Variants in KNDC1 observed in about 807,000 individuals in gnomAD.
KNDC1 encodes kinase non-catalytic C-lobe domain containing 1.
A neutral mutation model predicts 172.8 loss-of-function variants in KNDC1; 106 were observed. The observed-to-expected ratio is 0.61, with a 90% CI of 0.52 to 0.72. The LOEUF (loss-of-function observed/expected upper bound fraction) is 0.72, where lower values mean the gene tolerates loss of function less well. KNDC1 is among the 30% of genes least tolerant of loss of function. The pLI is 0.00. For missense variants in KNDC1, 2,325 were observed against 2,394.5 expected (o/e 0.97, Z 0.61); for synonymous variants, 1,083 against 1,062.2 (o/e 1.02, Z -0.38).
In KNDC1 at chr10:133,185,968, G is replaced by A; in HGVS notation, c.626-6G>A. Reference sequence around the variant, plus strand: ...CCAGCCGTGACCACATCTTGCTTGTGCCCAGATGTCAGCGAGAGCAGCTGG... The same window carrying A: ...CCAGCCGTGACCACATCTTGCTTGTACCCAGATGTCAGCGAGAGCAGCTGG... On this transcript the variant is annotated splice_region_variant and splice_polypyrimidine_tract_variant and intron_variant, in intron 5 of 29. Coordinates refer to ENST00000304613, the MANE Select transcript of KNDC1 (RefSeq NM_152643.8). 1 of 1,406,006 alleles carries A rather than the reference G, an allele frequency of 7.1e-7. No homozygotes were observed. The highest frequency in any genetic ancestry group is 9.4e-7 in the Non-Finnish European group (1 of 1,060,014). 87.1% of individuals were successfully genotyped at this position (1,406,006 alleles called of 1,614,324 possible). A position where few individuals can be genotyped will look rare whatever the true frequency, so the allele number is the denominator to read the frequency against.
chr10:133,211,956 C>T, intron 23 of KNDC1, 98 bp downstream of exon 23: 1 of 1,223,188 alleles, frequency 8.2e-7, no homozygotes, highest in East Asian at 2.4e-5. Flanking sequence ...CACACATACA[C>T]ACAAGTGCAA....
intron 29 of KNDC1, 76 bp downstream of exon 29, chr10:133,220,188 C>T (rs1433003306): frequency 5.1e-6 from 6 of 1,179,170 alleles, no homozygotes; most frequent in Non-Finnish European, 5.7e-6. Context: ...AGAGGAGGGG[C>T]TCAGGCGGCC....
chr10:133,198,672 G>T lies in KNDC1; in HGVS notation c.2164G>T (p.Gly722Trp). 6.3e-7 allele frequency: 1 copy of T among 1,593,500 alleles called. No individual in the cohort carries two copies. The highest frequency in any genetic ancestry group is 8.5e-7 in the Non-Finnish European group (1 of 1,171,238). The change falls in exon 14 of 30, where the codon GGG (glycine) becomes TGG (tryptophan). Residue 722 changes from glycine (G) to tryptophan (W), a missense_variant. Gly to Trp is a radical substitution (Grantham distance 184). Coordinates refer to ENST00000304613, the MANE Select transcript of KNDC1 (RefSeq NM_152643.8). ...EEKLSLEAHA[G>W]SPSLKTPDGP... ...GAAGCTCTCCCTGGAGGCCCACGCT[G>T]GGTCCCCCAGCCTGAAGACGCCTGA... is the stretch of plus-strand genomic sequence containing the variant.
Position 133,183,363 on chromosome 10 carries a change from G to A in KNDC1, c.380G>A (p.Gly127Glu). The change falls in exon 4 of 30, where the codon GGG becomes GAG. Residue 127 changes from glycine to glutamate, a missense_variant. Physicochemically the swap from Gly to Glu is moderately conservative, Grantham distance 98 (BLOSUM62 -2). Transcript: ENST00000304613. ...NTFEAHIYSL[G>E]ATLKAALEYV... ...CCACAGGCGCACATCTACTCTCTGG[G>A]GGCCACGCTGAAGGCCGCCCTCGAG... The A allele has an allele frequency of 6.3e-7, 1 of 1,596,928 alleles. No homozygotes were observed. Among genetic ancestry groups the A allele is most frequent in the Non-Finnish European group, 8.5e-7 (1 of 1,173,464 alleles).
Position 133,186,038 on chromosome 10 carries a change from C to T in KNDC1, c.690C>T (p.Pro230=), listed in dbSNP as rs761949376. 1.3e-5 allele frequency: 20 copies of T among 1,596,370 alleles called. No homozygotes were observed. In the South Asian group the frequency reaches 1.6e-4, roughly 13 times the overall value. The change falls in exon 6 of 30, where the codon CCC becomes CCT. Residue 230 remains proline, a synonymous_variant. Coordinates refer to ENST00000304613, the MANE Select transcript of KNDC1 (RefSeq NM_152643.8). Reference sequence around the variant, plus strand: ...GAAACGCTGGGCCCAGGAGGCCGCCCGGGGACCCCAGCACTGACCCGGAGG... The same window carrying T: ...GAAACGCTGGGCCCAGGAGGCCGCCTGGGGACCCCAGCACTGACCCGGAGG... The part of the protein sequence containing the change: ...APGNAGPRRP[P]GDPSTDPEVL...
At chr10:133,195,381 T>A (rs1041362535) in intron 9 of KNDC1, among the ~76,000 whole-genome samples, 2 of 151,732 alleles carry the variant, frequency 1.3e-5, no homozygotes, top group Admixed American at 6.6e-5. Flanking sequence ...GTGAGGAGAG[T>A]GGAAGGTGGG....
At chr10:133,188,488 G>A (rs538626466) in intron 6 of KNDC1, 51 bp from the exon 7 acceptor site, 106 of 1,242,844 alleles carry the variant, frequency 8.5e-5, no homozygotes, top group East Asian at 2.6e-4. Context: ...TCCAGGCGGC[G>A]GGCCCTGGCA....
rs1845300689 is a variant in KNDC1, at chr10:133,209,288, ATAG to A, written c.3795-1321_3795-1319del. 9.3e-6 allele frequency among the ~76,000 whole-genome samples: 1 copy of A among 107,090 alleles called. No homozygotes were observed. 70.3% of individuals were successfully genotyped at this position (107,090 alleles called of 152,430 possible). ...GTAGTGTGTGTGTGGTGTGTGGAGTATAGTGTGTGTGGTGTGGGGTACAGTGTG... is the reference window on the plus strand; with the variant it reads ...GTAGTGTGTGTGTGGTGTGTGGAGTATGTGTGTGGTGTGGGGTACAGTGTG... On this transcript the variant is annotated intron_variant, in intron 20 of 29. Coordinates refer to ENST00000304613, the MANE Select transcript of KNDC1 (RefSeq NM_152643.8). The surrounding 1 kb of genome is among the most constrained non-coding windows in gnomAD (Gnocchi z 4.9).
chr10:133,202,167 C>T lies in KNDC1; in HGVS notation c.3387+269C>T, dbSNP rs74164118. 3,296 of 688,114 alleles carry T rather than the reference C, an allele frequency of 4.8e-3. 79 individuals carry two copies. In the African/African-American group the frequency reaches 0.05, roughly 10 times the overall value. The allele number at this position is 688,114 out of a possible 1,614,324, so 42.6% of individuals were successfully genotyped here. ...GAAGGGCTTTTCTCTCATGGTCGCC[C>T]GGGCGATGGGTTCACAGGAGGCCCC... On this transcript the variant is annotated intron_variant, in intron 17 of 29. Transcript: ENST00000304613.
Position 133,201,810 on chromosome 10 carries a change from C to A in KNDC1, c.3299C>A (p.Ala1100Asp). 1 of 1,509,380 alleles carries A rather than the reference C, an allele frequency of 6.6e-7. No homozygotes were observed. The highest frequency in any genetic ancestry group is 1.4e-5 in the African/African-American group (1 of 71,966). 93.5% of individuals were successfully genotyped at this position (1,509,380 alleles called of 1,614,324 possible). A position where few individuals can be genotyped will look rare whatever the true frequency, so the allele number is the denominator to read the frequency against. Residue 1100 changes from alanine (A) to aspartate (D), a missense_variant, in exon 17 of 30, where the codon GCC (alanine) becomes GAC (aspartate). Coordinates refer to ENST00000304613, the MANE Select transcript of KNDC1 (RefSeq NM_152643.8). ...GGCTGGTGCAGCGCCTTCTACGAGGCCGACTGCTTCGGGGCCGACGTCCAC... is the reference window on the plus strand; with the variant it reads ...GGCTGGTGCAGCGCCTTCTACGAGGACGACTGCTTCGGGGCCGACGTCCAC... ...SPGWCSAFYE[A>D]DCFGADVHNY...
intron 20 of KNDC1, among the ~76,000 whole-genome samples, chr10:133,210,123 C>A (rs985020959): frequency 6.6e-6 from 1 of 151,996 alleles, no homozygotes; most frequent in African/African-American, 2.4e-5. Context: ...CGGTGGCTCA[C>A]GCCTGTCATT....
At chr10:133,178,253 G>A (rs1842465494) in intron 3 of KNDC1, among the ~76,000 whole-genome samples, 2 of 152,088 alleles carry the variant, frequency 1.3e-5, no homozygotes, top group East Asian at 3.9e-4. Flanking sequence ...CATGTCACAG[G>A]CACACATGTG....
At chr10:133,200,275 G>C in intron 15 of KNDC1, 100 bp from the exon 16 acceptor site, 1 of 850,868 alleles carries the variant, frequency 1.2e-6, no homozygotes, top group Non-Finnish European at 1.7e-6. Flanking sequence ...TCCAGCGAGA[G>C]CTCCGCATAG....
rs368066503 is a variant in KNDC1 at position 133,186,325 on chromosome 10, G to T, written c.977G>T (p.Arg326Leu). 1 of 1,612,600 alleles carries T rather than the reference G, an allele frequency of 6.2e-7. No homozygotes were observed. The highest frequency in any genetic ancestry group is 2.2e-5 in the East Asian group (1 of 44,882). Residue 326 changes from arginine to leucine, a missense_variant, in exon 6 of 30, where the codon CGC becomes CTC. Arg to Leu is a moderately radical substitution (Grantham distance 102). Transcript: ENST00000304613. ...GCCACCCTCTGCCTGCCGCTGACCC[G>T]CGGGAAAAGCCAGCTGCCCATATCG... ...PEATLCLPLT[R>L]GKSQLPISEL... is the part of the protein sequence containing the mutation.
Position 133,198,926 on chromosome 10 carries a change from T to A in KNDC1, c.2418T>A (p.Val806=), listed in dbSNP as rs3008389. 1 of 1,566,728 alleles carries A rather than the reference T, an allele frequency of 6.4e-7. No individual in the cohort carries two copies. The change falls in exon 14 of 30, where the codon GTT becomes GTA. Residue 806 remains valine, a synonymous_variant. Coordinates refer to ENST00000304613, the MANE Select transcript of KNDC1 (RefSeq NM_152643.8). ...QGPAEPIPPG[V]ASGGLRPDAL... is the part of the protein sequence containing the mutation. ...CGGCTGAGCCGATCCCACCTGGAGT[T>A]GCTTCCGGGGGCCTCAGGCCCGACG...
At position 133,160,384 on chromosome 10, in the gene KNDC1, T is replaced by TCTCCATGGAGCCAGGGCGCGC. The variant is rs1213474634; in HGVS notation, c.-83_-63dup. On this transcript the variant is annotated 5_prime_UTR_variant, in exon 1 of 30. In the 5' UTR this introduces an upstream ATG that the reference lacks. Transcript: ENST00000304613. ...CGGGGGCGGGCGAGGGCCGGGCGCG[T>TCTCCATGGAGCCAGGGCGCGC]CTCCATGGAGCCAGGGCGCGCGTAG... 1.2e-3 allele frequency: 815 copies of TCTCCATGGAGCCAGGGCGCGC among 680,686 alleles called. 2 individuals carry two copies. The highest frequency in any genetic ancestry group is 2.3e-3 in the Admixed American group (47 of 20,650). The allele number at this position is 680,686 out of a possible 1,614,324, so 42.2% of individuals were successfully genotyped here.
chr10:133,198,229 G>T (rs879032355), intron 12 of KNDC1, 108 bp from the exon 13 acceptor site: 11 of 1,294,410 alleles, frequency 8.5e-6, no homozygotes, highest in African/African-American at 1.5e-5. Flanking sequence ...GGGAGGGGAC[G>T]CGGCACCACG....
At chr10:133,193,574 C>T (rs563107912) in intron 9 of KNDC1, among the ~76,000 whole-genome samples, 1 of 150,650 alleles carries the variant, frequency 6.6e-6, no homozygotes, top group African/African-American at 2.4e-5. Flanking sequence ...GGAAGAAGAA[C>T]AAGAAGAAGG....
rs1026855000 is a variant in KNDC1 at position 133,161,010 on chromosome 10, G to GC, written c.102+447dup. 5.3e-5 allele frequency among the ~76,000 whole-genome samples: 8 copies of GC among 152,116 alleles called. No homozygotes were observed. In the South Asian group the frequency reaches 8.3e-4, roughly 16 times the overall value. Reference sequence around the variant, plus strand: ...GGGGTGGGGGGAGCGCTGGATGACTGCCCCCCGAGACTGAGAGCTGCTTCC... The same window carrying GC: ...GGGGTGGGGGGAGCGCTGGATGACTGCCCCCCCGAGACTGAGAGCTGCTTCC... On this transcript the variant is annotated intron_variant, in intron 1 of 29. Transcript: ENST00000304613.
Sources: allele counts gnomAD v4.1 joint callset (sites outside exome capture counted in the v4.1 genomes callset), GRCh38; gene constraint gnomAD v4.1.1; non-coding constraint Gnocchi (gnomAD v3.1); transcripts MANE v1.5; gene names NCBI Gene and HGNC (gene_info 2026-07-23, HGNC 2026-07-21).